GPC6: variants seen among roughly 807,000 people sequenced by gnomAD.
GPC6 encodes the protein glypican-6.
In GPC6, 14 loss-of-function variants were observed where a neutral mutation model predicts 55.2. That is an observed-to-expected ratio of 0.25 (90% CI 0.17 to 0.40). The LOEUF is 0.40. Among genes scored for constraint, GPC6 ranks in the 10% least tolerant of loss-of-function variants. The pLI is 1.00. For missense variants in GPC6, 641 were observed against 708.5 expected (o/e 0.90, Z 1.08); for synonymous variants, 278 against 259.6 (o/e 1.07, Z -0.68).
chr13:93,368,778 T>G (rs539315808), intron 1 of GPC6, among the ~76,000 whole-genome samples: 1 of 152,246 alleles, frequency 6.6e-6, no homozygotes, highest in South Asian at 2.1e-4. Flanking sequence ...CAGCCAAAGC[T>G]ATTCTACTTA....
At chr13:94,050,541 A>G (rs1430115039) in intron 4 of GPC6, among the ~76,000 whole-genome samples, 1 of 152,200 alleles carries the variant, frequency 6.6e-6, no homozygotes, top group Non-Finnish European at 1.5e-5. Context: ...ATATACCACC[A>G]TCATGAGACT....
intron 6 of GPC6, among the ~76,000 whole-genome samples, chr13:94,310,738 G>A (rs986686720): frequency 2.0e-5 from 3 of 151,808 alleles, no homozygotes; most frequent in African/African-American, 7.3e-5. Context: ...GTGATTTATG[G>A]TTAACAACCA....
intron 4 of GPC6, among the ~76,000 whole-genome samples, chr13:94,097,845 G>A (rs1488664206): frequency 1.3e-5 from 2 of 152,058 alleles, no homozygotes; most frequent in Non-Finnish European, 2.9e-5. Context: ...ATTTTAATTT[G>A]GGATAATCAA....
In GPC6 at chr13:93,288,146, A is replaced by G. The variant is rs140443411; in HGVS notation, c.160+60530A>G. On this transcript the variant is annotated intron_variant, in intron 1 of 8. Transcript: ENST00000377047. The stretch of plus-strand genomic sequence containing the variant: ...GAAACTACAAAGTAATACTTATAAA[A>G]TTGAAATAATTAAAAATAATTAGCA... Among the ~76,000 whole-genome samples, 228 of 152,330 alleles carry G rather than the reference A, an allele frequency of 1.5e-3. 2 individuals are homozygous for G. Among genetic ancestry groups the G allele is most frequent in the African/African-American group, 5.3e-3 (221 of 41,586 alleles).
At chr13:93,997,863 G>T (rs1009896150) in intron 3 of GPC6, among the ~76,000 whole-genome samples, 4 of 152,172 alleles carry the variant, frequency 2.6e-5, no homozygotes, top group African/African-American at 9.6e-5. Context: ...GAAGTTAAAC[G>T]TAAGGGAAAA....
chr13:93,290,534 T>C (rs1002464700), intron 1 of GPC6, among the ~76,000 whole-genome samples: 46 of 152,274 alleles, frequency 3.0e-4, no homozygotes, highest in African/African-American at 1.0e-3. Context: ...GGAAATTTTA[T>C]ACAAATAATG....
intron 2 of GPC6, among the ~76,000 whole-genome samples, chr13:93,552,080 T>A (rs1875189605): frequency 6.6e-6 from 1 of 152,170 alleles, no homozygotes; most frequent in African/African-American, 2.4e-5. Context: ...TAGGAAGTAA[T>A]TAGCTGAATG....
intron 1 of GPC6, among the ~76,000 whole-genome samples, chr13:93,280,174 G>C (rs1216706708): frequency 6.6e-6 from 1 of 152,072 alleles, no homozygotes; most frequent in Non-Finnish European, 1.5e-5. Context: ...ACATGTGGGG[G>C]GGGCCAGACC....
intron 2 of GPC6, among the ~76,000 whole-genome samples, chr13:93,612,083 C>T (rs917355637): frequency 7.9e-5 from 12 of 152,216 alleles, no homozygotes; most frequent in African/African-American, 2.9e-4. Flanking sequence ...TTTCCAACCA[C>T]GTTTATTGTA....
intron 2 of GPC6, among the ~76,000 whole-genome samples, chr13:93,792,747 C>A (rs778520108): frequency 2.0e-5 from 3 of 152,128 alleles, no homozygotes; most frequent in Non-Finnish European, 4.4e-5. Context: ...GATGTGGGAA[C>A]CTGCATCCTA....
chr13:94,196,233 TATAAG>T (rs1889571954), intron 4 of GPC6, among the ~76,000 whole-genome samples: 1 of 151,922 alleles, frequency 6.6e-6, no homozygotes, highest in Non-Finnish European at 1.5e-5. Context: ...GAATATCTCT[TATAAG>T]AGGGAGGATT....
intron 6 of GPC6, among the ~76,000 whole-genome samples, chr13:94,357,458 A>G (rs552090560): frequency 2.0e-5 from 3 of 152,282 alleles, no homozygotes; most frequent in African/African-American, 7.2e-5. Context: ...CGCGGGTAAT[A>G]CTTATCCATC....
intron 2 of GPC6, among the ~76,000 whole-genome samples, chr13:93,640,832 GTTCCTTCC>G (rs71126406): frequency 3.3e-5 from 4 of 119,954 alleles, no homozygotes; most frequent in East Asian, 2.8e-4. Context: ...TCCTTCCTTT[GTTCCTTCC>G]TTCCTTCCTT....
chr13:93,841,561 A>T (rs1420919428), intron 3 of GPC6, among the ~76,000 whole-genome samples: 1 of 152,204 alleles, frequency 6.6e-6, no homozygotes, highest in Non-Finnish European at 1.5e-5. Context: ...TCTAAATCAA[A>T]TAACCAAGAG....
chr13:94,235,373 GA>G, intron 4 of GPC6, among the ~76,000 whole-genome samples: 1 of 152,074 alleles, frequency 6.6e-6, no homozygotes, highest in East Asian at 1.9e-4. Flanking sequence ...CCAAAAAAAA[GA>G]AAAAAGTACT....
intron 2 of GPC6, among the ~76,000 whole-genome samples, chr13:93,643,169 G>A (rs1880031094): frequency 6.6e-6 from 1 of 152,064 alleles, no homozygotes; most frequent in South Asian, 2.1e-4. Flanking sequence ...AGTATTCATT[G>A]TTTAATATAC....
At chr13:93,771,482 TGAA>T (rs2138892794) in intron 2 of GPC6, among the ~76,000 whole-genome samples, 1 of 152,244 alleles carries the variant, frequency 6.6e-6, no homozygotes, top group East Asian at 1.9e-4. Context: ...GTTAGCTTTA[TGAA>T]GGGTTGAATG....
chr13:93,399,132 C>A (rs554779837), intron 1 of GPC6, among the ~76,000 whole-genome samples: 53 of 152,176 alleles, frequency 3.5e-4, no homozygotes, highest in Admixed American at 8.5e-4. Context: ...GTCTCTCATT[C>A]TTTCTCTTTT....
intron 4 of GPC6, among the ~76,000 whole-genome samples, chr13:94,250,386 T>G (rs1353079167): frequency 6.6e-6 from 1 of 152,120 alleles, no homozygotes; most frequent in Non-Finnish European, 1.5e-5. Flanking sequence ...TTACATTTAT[T>G]TCACACCATG....
Sources: gnomAD v4.1 joint callset for allele counts (sites outside exome capture counted in the v4.1 genomes callset) on GRCh38, gnomAD v4.1.1 for gene constraint, MANE v1.5 for transcripts, NCBI Gene and HGNC (gene_info 2026-07-23, HGNC 2026-07-21) for gene names.